CACNB2: variants seen among roughly 807,000 people sequenced by gnomAD.
CACNB2 encodes voltage-dependent L-type calcium channel subunit beta-2.
CACNB2 carries 42 observed loss-of-function variants against 73.3 expected under a neutral mutation model. The observed-to-expected ratio is 0.57, with a 90% confidence interval of 0.45 to 0.74. CACNB2 has a LOEUF of 0.74. Among genes scored for constraint, CACNB2 ranks in the 30% least tolerant of loss-of-function variants. CACNB2 has a pLI of 0.00. For synonymous variants in CACNB2, 348 were observed against 310.3 expected, an observed-to-expected ratio of 1.12 and a Z score of -1.28; for missense variants, 940 against 853.0, an observed-to-expected ratio of 1.10 and a Z score of -1.27.
intron 3 of CACNB2, among the ~76,000 whole-genome samples, chr10:18,462,318 A>G (rs946473206): frequency 1.6e-4 from 25 of 152,194 alleles, no homozygotes; most frequent in African/African-American, 5.8e-4. Context: ...CAGTGGTACA[A>G]TCCGCAGCTC....
chr10:18,187,053 G>A (rs2131246916), intron 2 of CACNB2, among the ~76,000 whole-genome samples: 1 of 152,242 alleles, frequency 6.6e-6, no homozygotes, highest in South Asian at 2.1e-4. Flanking sequence ...GAGGGTATAG[G>A]GAGCTATGAG....
intron 3 of CACNB2, among the ~76,000 whole-genome samples, chr10:18,442,948 A>G (rs1351998427): frequency 2.8e-5 from 1 of 35,606 alleles, no homozygotes; most frequent in Non-Finnish European, 4.5e-5. Flanking sequence ...ATATGTGTAT[A>G]TATATATATG....
intron 3 of CACNB2, among the ~76,000 whole-genome samples, chr10:18,404,954 C>T (rs1056904241): frequency 3.3e-5 from 5 of 152,086 alleles, no homozygotes; most frequent in African/African-American, 7.2e-5. Context: ...TGTTTTTTAA[C>T]GTGGTGTTTT....
chr10:18,477,516 G>C (rs528872743), intron 3 of CACNB2, among the ~76,000 whole-genome samples: 1 of 152,168 alleles, frequency 6.6e-6, no homozygotes, highest in Non-Finnish European at 1.5e-5. Context: ...AAATCCAGAA[G>C]TCTCTGTGAC....
Position 18,315,529 on chromosome 10 carries a change from C to CCT in CACNB2, c.214-86395_214-86394insCT, listed in dbSNP as rs869158666. On this transcript the variant is annotated intron_variant, in intron 2 of 13. Transcript: ENST00000324631. The stretch of plus-strand genomic sequence containing the variant: ...AAAAAAAAAAAAAAAAAAAAAAAAA[C>CCT]TTTTTTTTTTTTTAATTAGCCAGAT... Among the ~76,000 whole-genome samples, 26 of 65,580 alleles carry CCT rather than the reference C, an allele frequency of 4.0e-4. 1 individual carries two copies. The highest frequency in any genetic ancestry group is 2.4e-3 in the Admixed American group (11 of 4,490). The allele number at this position is 65,580 out of a possible 152,430, so 43.0% of individuals were successfully genotyped here. A position where few individuals can be genotyped will look rare whatever the true frequency, so the allele number is the denominator to read the frequency against.
intron 2 of CACNB2, among the ~76,000 whole-genome samples, chr10:18,364,147 C>T (rs1012627354): frequency 6.6e-6 from 1 of 151,786 alleles, no homozygotes; most frequent in Non-Finnish European, 1.5e-5. Context: ...GGTTTTGCCA[C>T]TTTGGCCAGG....
chr10:18,452,093 C>G (rs1196398368), intron 3 of CACNB2, among the ~76,000 whole-genome samples: 1 of 152,120 alleles, frequency 6.6e-6, no homozygotes, highest in Non-Finnish European at 1.5e-5. Context: ...TTATTCCTAT[C>G]TTAGTAAATT....
At chr10:18,487,911 G>A (rs2049154419) in intron 3 of CACNB2, among the ~76,000 whole-genome samples, 1 of 151,600 alleles carries the variant, frequency 6.6e-6, no homozygotes, top group Non-Finnish European at 1.5e-5. Flanking sequence ...CAAGGACCCT[G>A]CACAGGAAAC....
At position 18,289,753 on chromosome 10, in the gene CACNB2, C is replaced by T. The variant is rs2068707; in HGVS notation, c.214-112171C>T. 3.5e-3 allele frequency among the ~76,000 whole-genome samples: 540 copies of T among 152,182 alleles called. 2 individuals carry two copies. The highest frequency in any genetic ancestry group is 5.5e-3 in the Non-Finnish European group (373 of 68,022). On this transcript the variant is annotated intron_variant, in intron 2 of 13. Transcript: ENST00000324631. The stretch of plus-strand genomic sequence containing the variant: ...CCCCTGCTGATAGCACTGATATTTA[C>T]GTGACGTTTAGCTGTGTGGCCCCCT...
chr10:18,280,681 C>T (rs566887042), intron 2 of CACNB2, among the ~76,000 whole-genome samples: 2 of 152,286 alleles, frequency 1.3e-5, no homozygotes, highest in Non-Finnish European at 2.9e-5. Flanking sequence ...CCAGTCAGTA[C>T]CTTTACAAAT....
chr10:18,512,086 G>A (rs560295662), intron 6 of CACNB2, among the ~76,000 whole-genome samples: 2 of 152,230 alleles, frequency 1.3e-5, no homozygotes, highest in Admixed American at 6.5e-5. Context: ...GTGAGATTAT[G>A]CATCTTTTTT....
At chr10:18,199,177 A>G (rs2034761286) in intron 2 of CACNB2, among the ~76,000 whole-genome samples, 1 of 152,198 alleles carries the variant, frequency 6.6e-6, no homozygotes, top group Admixed American at 6.5e-5. Flanking sequence ...AGTCTAAAGT[A>G]AATAATTAGT....
intron 2 of CACNB2, among the ~76,000 whole-genome samples, chr10:18,393,454 C>G (rs1487559392): frequency 6.6e-6 from 1 of 152,168 alleles, no homozygotes; most frequent in Non-Finnish European, 1.5e-5. Flanking sequence ...AAATAGCCAT[C>G]ATACCCTCAT....
chr10:18,260,228 C>T (rs906130432), intron 2 of CACNB2, among the ~76,000 whole-genome samples: 3 of 151,970 alleles, frequency 2.0e-5, no homozygotes, highest in Non-Finnish European at 4.4e-5. Flanking sequence ...CAGCTCAGTC[C>T]CTGAAAACTG....
chr10:18,407,047 T>G (rs548571470), intron 3 of CACNB2, among the ~76,000 whole-genome samples: 3 of 151,780 alleles, frequency 2.0e-5, no homozygotes, highest in Admixed American at 2.0e-4. Flanking sequence ...TGAAAAATGT[T>G]TTTCTGCAGA....
At chr10:18,368,316 G>GA (rs949038261) in intron 2 of CACNB2, among the ~76,000 whole-genome samples, 1 of 152,018 alleles carries the variant, frequency 6.6e-6, no homozygotes, top group Non-Finnish European at 1.5e-5. Flanking sequence ...TGGCAATATG[G>GA]AAAAAAACTT....
intron 2 of CACNB2, among the ~76,000 whole-genome samples, chr10:18,219,164 C>G (rs1445205486): frequency 4.1e-5 from 6 of 147,996 alleles, no homozygotes; most frequent in Non-Finnish European, 7.4e-5. Context: ...GACCCTGTCT[C>G]AAAGACACAA....
At chr10:18,406,955 A>C (rs1190330886) in intron 3 of CACNB2, among the ~76,000 whole-genome samples, 1 of 152,084 alleles carries the variant, frequency 6.6e-6, no homozygotes, top group East Asian at 1.9e-4. Context: ...AAGAAAACAT[A>C]GACCCTTTCA....
At chr10:18,187,241 G>A (rs1020936400) in intron 2 of CACNB2, among the ~76,000 whole-genome samples, 3 of 152,178 alleles carry the variant, frequency 2.0e-5, no homozygotes, top group African/African-American at 7.2e-5. Context: ...CTACCGTGGG[G>A]ATGGCAGCTA....
Sources: gnomAD v4.1 joint callset for allele counts (sites outside exome capture counted in the v4.1 genomes callset) on GRCh38, gnomAD v4.1.1 for gene constraint, MANE v1.5 for transcripts, NCBI Gene and HGNC (gene_info 2026-07-23, HGNC 2026-07-21) for gene names.